Variants in SLC17A4 observed in about 807,000 individuals in gnomAD.
SLC17A4 encodes the protein solute carrier family 17 member 4.
SLC17A4 carries 33 observed loss-of-function variants against 52.5 expected under a neutral mutation model. The observed-to-expected ratio is 0.63, with a 90% CI of 0.48 to 0.84. The LOEUF (loss-of-function observed/expected upper bound fraction) is 0.84, where lower values mean the gene tolerates loss of function less well. SLC17A4 is among the 40% of genes least tolerant of loss of function. The pLI, the probability that SLC17A4 is intolerant of heterozygous loss-of-function variation, is 0.00. For missense variants in SLC17A4, 585 were observed against 597.1 expected (o/e 0.98, Z 0.21); for synonymous variants, 225 against 216.2 (o/e 1.04, Z -0.36).
intron 1 of SLC17A4, among the ~76,000 whole-genome samples, chr6:25,761,011 C>T (rs1290246534): frequency 1.3e-5 from 2 of 152,084 alleles, no homozygotes; most frequent in Admixed American, 1.3e-4. Flanking sequence ...TTATTTTGAG[C>T]TCATAATATA....
At chr6:25,767,410 C>T (rs1330021619) in intron 2 of SLC17A4, among the ~76,000 whole-genome samples, 1 of 152,028 alleles carries the variant, frequency 6.6e-6, no homozygotes, top group Non-Finnish European at 1.5e-5. Context: ...CAGTTGTTAT[C>T]ACAGTGCCTT....
chr6:25,775,744 ATTCT>A (rs2151458065), intron 8 of SLC17A4, among the ~76,000 whole-genome samples: 1 of 152,264 alleles, frequency 6.6e-6, no homozygotes, highest in South Asian at 2.1e-4. Context: ...TCCTATATAT[ATTCT>A]TTCTTTGTTT....
chr6:25,779,011 G>T (rs1046894445), intron 11 of SLC17A4, 43 bp from the exon 12 acceptor site: 1 of 1,608,586 alleles, frequency 6.2e-7, no homozygotes, highest in African/African-American at 1.3e-5. Context: ...AAGAGGGACA[G>T]GAATTGGGTG....
At chr6:25,761,430 A>G (rs1048728923) in intron 1 of SLC17A4, among the ~76,000 whole-genome samples, 12 of 152,148 alleles carry the variant, frequency 7.9e-5, no homozygotes, top group African/African-American at 2.9e-4. Context: ...ACCCAATCTC[A>G]TGGTCACTGA....
intron 1 of SLC17A4, among the ~76,000 whole-genome samples, chr6:25,760,428 C>T (rs1304869809): frequency 6.6e-6 from 1 of 152,070 alleles, no homozygotes; most frequent in East Asian, 1.9e-4. Context: ...CCTGCAGTAT[C>T]CTTAAATATG....
intron 5 of SLC17A4, among the ~76,000 whole-genome samples, chr6:25,770,693 A>AAAT (rs1176513557): frequency 6.6e-6 from 1 of 152,194 alleles, no homozygotes; most frequent in Non-Finnish European, 1.5e-5. Flanking sequence ...CTTATCCTCA[A>AAAT]AATAATTTTA....
At chr6:25,755,822 G>A (rs1760969120) in intron 1 of SLC17A4, among the ~76,000 whole-genome samples, 1 of 152,156 alleles carries the variant, frequency 6.6e-6, no homozygotes. Context: ...TCTGGAACCT[G>A]TTGCCCTCCC....
rs1141034 is a variant in SLC17A4 at position 25,780,104 on chromosome 6, C to T, written c.*916C>T. 0.27 allele frequency: 41,484 copies of T among 152,088 alleles called. 6,878 individuals are homozygous for T. Among genetic ancestry groups the T allele is most frequent in the East Asian group, 0.68 (3,509 of 5,166 alleles). 9.4% of individuals were successfully genotyped at this position (152,088 alleles called of 1,614,324 possible). A position where few individuals can be genotyped will look rare whatever the true frequency, so the allele number is the denominator to read the frequency against. ...AGACACACACTGCCCTAACCTCACT[C>T]CAAATGTCTGGAGAAATGTGTGTAG... On this transcript the variant is annotated 3_prime_UTR_variant, in exon 12 of 12. Transcript: ENST00000377905.
At chr6:25,767,221 G>A (rs566858213) in intron 2 of SLC17A4, among the ~76,000 whole-genome samples, 1 of 152,014 alleles carries the variant, frequency 6.6e-6, no homozygotes, top group Non-Finnish European at 1.5e-5. Context: ...ACATACATAT[G>A]TACATAAACA....
intron 2 of SLC17A4, 105 bp downstream of exon 2, chr6:25,762,158 C>T (rs1028256543): frequency 2.2e-6 from 2 of 920,958 alleles, no homozygotes; most frequent in Non-Finnish European, 3.3e-6. Context: ...TTTGTTGATA[C>T]ACATCATTTT....
chr6:25,761,105 G>T (rs887569289), intron 1 of SLC17A4, among the ~76,000 whole-genome samples: 3 of 152,182 alleles, frequency 2.0e-5, no homozygotes, highest in African/African-American at 7.2e-5. Flanking sequence ...TTTTTAGCTG[G>T]GGATGAGTTC....
Position 25,773,358 on chromosome 6 carries a change from GAGA to G in SLC17A4, c.794_796del (p.Lys265del). On this transcript the variant is annotated inframe_deletion, in exon 7 of 12. Coordinates refer to ENST00000377905, the MANE Select transcript of SLC17A4 (RefSeq NM_005495.3). ...GAATCATCCCTTTATCAGTGCTGGT[GAGA>G]AGAGATACATTGTGTGTTCATTGGC... is the stretch of plus-strand genomic sequence containing the variant. 1 of 1,613,924 alleles carries G rather than the reference GAGA, an allele frequency of 6.2e-7. No homozygotes were observed. Among genetic ancestry groups the G allele is most frequent in the Non-Finnish European group, 8.5e-7 (1 of 1,179,878 alleles).
chr6:25,776,002 T>G (rs1762883042), intron 8 of SLC17A4, among the ~76,000 whole-genome samples: 1 of 152,180 alleles, frequency 6.6e-6, no homozygotes, highest in South Asian at 2.1e-4. Context: ...TGCAACCCTC[T>G]GTGGAGTAAA....
At chr6:25,766,134 T>C (rs1309997779) in intron 2 of SLC17A4, among the ~76,000 whole-genome samples, 1 of 150,464 alleles carries the variant, frequency 6.6e-6, no homozygotes, top group Non-Finnish European at 1.5e-5. Flanking sequence ...TAAAATATAA[T>C]TGAATTATAA....
At chr6:25,763,365 G>C (rs569577755) in intron 2 of SLC17A4, among the ~76,000 whole-genome samples, 2 of 152,238 alleles carry the variant, frequency 1.3e-5, no homozygotes, top group East Asian at 3.9e-4. Flanking sequence ...ACTCCTCCAA[G>C]CCTTACCAAG....
At chr6:25,760,943 C>T (rs1761480483) in intron 1 of SLC17A4, among the ~76,000 whole-genome samples, 1 of 152,174 alleles carries the variant, frequency 6.6e-6, no homozygotes, top group Non-Finnish European at 1.5e-5. Flanking sequence ...AATTTTGCTA[C>T]ACATTGAGTC....
chr6:25,776,145 T>G (rs1169145037), intron 8 of SLC17A4, among the ~76,000 whole-genome samples: 1 of 117,776 alleles, frequency 8.5e-6, no homozygotes, highest in Non-Finnish European at 2.2e-5. Context: ...GCACAGAGCA[T>G]GCCAAAAAAA....
chr6:25,757,990 T>C (rs956674412), intron 1 of SLC17A4, among the ~76,000 whole-genome samples: 4 of 152,198 alleles, frequency 2.6e-5, no homozygotes, highest in Non-Finnish European at 4.4e-5. Context: ...CATCCGTATC[T>C]GGTTCACAAG....
intron 6 of SLC17A4, 97 bp downstream of exon 6, chr6:25,771,109 C>T: frequency 5.9e-6 from 6 of 1,010,660 alleles, no homozygotes; most frequent in African/African-American, 1.6e-5. Context: ...TGGATATTTA[C>T]ATAGCTAAAG....
Sources: gnomAD v4.1 joint callset for allele counts (sites outside exome capture counted in the v4.1 genomes callset) on GRCh38, gnomAD v4.1.1 for gene constraint, MANE v1.5 for transcripts, NCBI Gene and HGNC (gene_info 2026-07-23, HGNC 2026-07-21) for gene names.